MYO10: variants seen among roughly 807,000 people sequenced by gnomAD.
The protein encoded by MYO10 is unconventional myosin-X.
Under a neutral mutation model 257.3 loss-of-function variants are expected in MYO10, and 133 were observed. The observed-to-expected ratio is 0.52, with a 90% CI of 0.45 to 0.60. The LOEUF is 0.60. Ranked by LOEUF, MYO10 falls within the 20% of genes least tolerant of loss-of-function variation. MYO10 has a pLI of 0.00. For synonymous variants in MYO10, 1,104 were observed against 1,028.6 expected, an observed-to-expected ratio of 1.07 and a Z score of -1.40; for missense variants, 2,399 against 2,635.7, an observed-to-expected ratio of 0.91 and a Z score of 1.97.
intron 1 of MYO10, among the ~76,000 whole-genome samples, chr5:16,887,261 G>A (rs1744922012): frequency 6.6e-6 from 1 of 152,204 alleles, no homozygotes; most frequent in African/African-American, 2.4e-5. Context: ...AAGAGGTGGA[G>A]AGGAAAAGAA....
chr5:16,754,222 AT>A (rs1740463637), intron 19 of MYO10, among the ~76,000 whole-genome samples: 6 of 152,168 alleles, frequency 3.9e-5, no homozygotes, highest in Admixed American at 3.9e-4. Flanking sequence ...ATCTAACACT[AT>A]AGTTTCTTTG....
At chr5:16,810,735 A>G (rs996722067) in intron 3 of MYO10, among the ~76,000 whole-genome samples, 2 of 152,078 alleles carry the variant, frequency 1.3e-5, no homozygotes, top group African/African-American at 4.8e-5. Context: ...TGATCACACC[A>G]TTGCACTCCA....
intron 27 of MYO10, among the ~76,000 whole-genome samples, chr5:16,693,300 C>T (rs957141854): frequency 6.6e-6 from 1 of 152,142 alleles, no homozygotes; most frequent in South Asian, 2.1e-4. Flanking sequence ...AGATGAGGAA[C>T]ATCACGGTAT....
intron 1 of MYO10, among the ~76,000 whole-genome samples, chr5:16,919,436 T>C (rs1477415027): frequency 6.6e-6 from 1 of 151,910 alleles, no homozygotes; most frequent in Non-Finnish European, 1.5e-5. Context: ...CCCCTCCAAA[T>C]GAGTTCATGG....
intron 19 of MYO10, among the ~76,000 whole-genome samples, chr5:16,719,338 C>CT (rs1452141324): frequency 6.6e-6 from 1 of 152,190 alleles, no homozygotes; most frequent in African/African-American, 2.4e-5. Context: ...ACAATACCCC[C>CT]TCCTTGGGTG....
intron 17 of MYO10, among the ~76,000 whole-genome samples, chr5:16,759,864 G>T (rs2126647908): frequency 6.6e-6 from 1 of 152,240 alleles, no homozygotes; most frequent in Non-Finnish European, 1.5e-5. Flanking sequence ...CCCTCACATA[G>T]AAGAGTTAAA....
intron 14 of MYO10, among the ~76,000 whole-genome samples, 163 bp from the exon 15 acceptor site, chr5:16,762,800 A>C (rs1740757710): frequency 6.6e-6 from 1 of 151,968 alleles, no homozygotes; most frequent in South Asian, 2.1e-4. Context: ...TGTTTCTACT[A>C]AATATACAAA....
In MYO10 at chr5:16,922,123, C is replaced by T. The variant is rs556875858; in HGVS notation, c.21+13665G>A. 9.2e-4 allele frequency among the ~76,000 whole-genome samples: 139 copies of T among 151,056 alleles called. 1 individual carries two copies. Among genetic ancestry groups the T allele is most frequent in the African/African-American group, 3.3e-3 (137 of 41,108 alleles). On this transcript the variant is annotated intron_variant, in intron 1 of 40. Transcript: ENST00000513610. ...CAGCTACTCGGGAGGCTGAGGCAGG[C>T]AAATCACTGGAACCCGGGAGGCAGA...
chr5:16,839,844 G>A (rs1017342452), intron 2 of MYO10, among the ~76,000 whole-genome samples: 1 of 152,162 alleles, frequency 6.6e-6, no homozygotes, highest in Non-Finnish European at 1.5e-5. Flanking sequence ...GGTAGGCTAG[G>A]CTAGGCTATG....
intron 1 of MYO10, among the ~76,000 whole-genome samples, chr5:16,912,782 C>G (rs796785475): frequency 2.8e-4 from 41 of 146,486 alleles, no homozygotes; most frequent in African/African-American, 9.1e-4. Flanking sequence ...AACTTCCAGA[C>G]TTCCTTCACC....
chr5:16,838,994 A>G (rs1743391951), intron 2 of MYO10, among the ~76,000 whole-genome samples: 1 of 152,198 alleles, frequency 6.6e-6, no homozygotes, highest in African/African-American at 2.4e-5. Context: ...GCTCACTGAC[A>G]ATGCACCTGG....
chr5:16,924,123 C>A (rs1016930480), intron 1 of MYO10, among the ~76,000 whole-genome samples: 3 of 152,088 alleles, frequency 2.0e-5, no homozygotes, highest in Non-Finnish European at 2.9e-5. Flanking sequence ...ACAAATAATT[C>A]TCCAAATGAA....
chr5:16,827,986 A>G (rs1435429265), intron 2 of MYO10, among the ~76,000 whole-genome samples: 1 of 152,194 alleles, frequency 6.6e-6, no homozygotes, highest in Non-Finnish European at 1.5e-5. Context: ...TGCGTGGTAG[A>G]GTCAGACCTT....
chr5:16,928,612 G>C (rs920489653), intron 1 of MYO10, among the ~76,000 whole-genome samples: 1 of 152,062 alleles, frequency 6.6e-6, no homozygotes, highest in African/African-American at 2.4e-5. Flanking sequence ...TTGGGAGGCT[G>C]TGACGGGTGG....
intron 3 of MYO10, among the ~76,000 whole-genome samples, chr5:16,814,194 G>A (rs1194891716): frequency 6.6e-6 from 1 of 152,154 alleles, no homozygotes; most frequent in Non-Finnish European, 1.5e-5. Flanking sequence ...CCAGGCTGGA[G>A]GGCAGTGCGC....
intron 1 of MYO10, among the ~76,000 whole-genome samples, chr5:16,905,848 C>T (rs188865532): frequency 3.3e-5 from 5 of 152,186 alleles, no homozygotes. Context: ...AGGGTGAGAA[C>T]TTAAGGAGTT....
chr5:16,840,184 G>A (rs1221372448), intron 2 of MYO10, among the ~76,000 whole-genome samples: 1 of 152,082 alleles, frequency 6.6e-6, no homozygotes, highest in East Asian at 1.9e-4. Context: ...AGGCTTAGGT[G>A]GGTGGATCAC....
chr5:16,812,841 G>C (rs1226654394), intron 3 of MYO10, among the ~76,000 whole-genome samples: 2 of 151,948 alleles, frequency 1.3e-5, no homozygotes, highest in African/African-American at 4.8e-5. Flanking sequence ...TGTTCAGAAA[G>C]ATTCAATTAT....
chr5:16,902,448 G>A, intron 1 of MYO10: 1 of 1,274,876 alleles, frequency 7.8e-7, no homozygotes, highest in South Asian at 1.2e-5. Flanking sequence ...ATACAGCTTG[G>A]GAAGCACATA....
Sources: gnomAD v4.1 joint callset for allele counts (sites outside exome capture counted in the v4.1 genomes callset) on GRCh38, gnomAD v4.1.1 for gene constraint, MANE v1.5 for transcripts, NCBI Gene and HGNC (gene_info 2026-07-23, HGNC 2026-07-21) for gene names.